Variants in BCAS4 observed in about 807,000 individuals in gnomAD.
BCAS4 encodes breast carcinoma amplified sequence 4, also known as breast carcinoma-amplified sequence 4.
Under a neutral mutation model 15.7 loss-of-function variants are expected in BCAS4, and 9 were observed. The ratio of observed to expected loss-of-function variants is 0.57; its 90% CI spans 0.34 to 1.00. The LOEUF is 1.00. Among genes scored for constraint, BCAS4 ranks in the 50% least tolerant of loss-of-function variants. BCAS4 has a pLI of 0.02. For missense variants in BCAS4, 225 were observed against 239.1 expected (o/e 0.94, Z 0.39); for synonymous variants, 101 against 99.5 (o/e 1.02, Z -0.09).
intron 4 of BCAS4, among the ~76,000 whole-genome samples, chr20:50,845,084 G>A (rs35781063): frequency 0.023 from 3,484 of 152,230 alleles, 52 homozygotes; most frequent in Non-Finnish European, 0.036. Context: ...CGACTCTGTA[G>A]TCGCCTCACA....
downstream of BCAS4, chr20:50,880,312 C>T (rs1053309686): frequency 2.6e-5 from 4 of 152,288 alleles, no homozygotes; most frequent in African/African-American, 9.6e-5. Context: ...CCCCTAACCT[C>T]AGTCCTCTGA....
intron 2 of BCAS4, among the ~76,000 whole-genome samples, chr20:50,820,179 C>G (rs1171441997): frequency 6.6e-6 from 1 of 152,168 alleles, no homozygotes; most frequent in Non-Finnish European, 1.5e-5. Flanking sequence ...TGGGCCCCGT[C>G]ATAAACTTGA....
chr20:50,808,064 T>C (rs986503315), intron 1 of BCAS4, among the ~76,000 whole-genome samples: 4 of 151,960 alleles, frequency 2.6e-5, no homozygotes, highest in South Asian at 2.1e-4. Flanking sequence ...CCCGCCACCA[T>C]GCCCGGCTAA....
chr20:50,848,955 G>T (rs1302866348), intron 4 of BCAS4, among the ~76,000 whole-genome samples: 3 of 152,252 alleles, frequency 2.0e-5, no homozygotes, highest in African/African-American at 7.2e-5. Flanking sequence ...CTTGCGGAGG[G>T]CCCCTCACAT....
chr20:50,874,318 C>T (rs1380557091), intron 4 of BCAS4, among the ~76,000 whole-genome samples: 1 of 152,204 alleles, frequency 6.6e-6, no homozygotes, highest in Non-Finnish European at 1.5e-5. Flanking sequence ...TTCCCTCGGC[C>T]TGGAACACCG....
In BCAS4 at chr20:50,876,727, C is replaced by A. The variant is rs1027041748; in HGVS notation, c.*119C>A. On this transcript the variant is annotated 3_prime_UTR_variant, in exon 5 of 5. Coordinates refer to ENST00000371608, the MANE Select transcript of BCAS4 (RefSeq NM_198799.4). The stretch of plus-strand genomic sequence containing the variant: ...ATTTTAAAAATATTTAAAAAAATGT[C>A]GAGATGGGGTCTCACTATGTTGTCC... The A allele has an allele frequency of 8.0e-7, 1 of 1,245,014 alleles. No homozygotes were observed. Among genetic ancestry groups the A allele is most frequent in the Non-Finnish European group, 1.1e-6 (1 of 951,364 alleles). 77.1% of individuals were successfully genotyped at this position (1,245,014 alleles called of 1,614,324 possible).
At chr20:50,874,094 G>C (rs1218781866) in intron 4 of BCAS4, among the ~76,000 whole-genome samples, 1 of 152,088 alleles carries the variant, frequency 6.6e-6, no homozygotes, top group Non-Finnish European at 1.5e-5. Context: ...GTCGCCCCTA[G>C]AGTGTATTCT....
intron 4 of BCAS4, among the ~76,000 whole-genome samples, chr20:50,866,405 G>A (rs1010445691): frequency 6.6e-6 from 1 of 152,238 alleles, no homozygotes; most frequent in Non-Finnish European, 1.5e-5. Flanking sequence ...CGGGGACAGT[G>A]ACAAACCAGA....
At chr20:50,841,663 G>A (rs930202694) in intron 3 of BCAS4, 103 bp from the exon 4 acceptor site, 28 of 1,504,892 alleles carry the variant, frequency 1.9e-5, no homozygotes, top group Middle Eastern at 1.8e-4. Context: ...GAGGCTGGTC[G>A]CAGTGATGAA....
At chr20:50,852,352 C>T (rs978086045) in intron 4 of BCAS4, among the ~76,000 whole-genome samples, 2 of 151,588 alleles carry the variant, frequency 1.3e-5, no homozygotes, top group Non-Finnish European at 2.9e-5. Flanking sequence ...CCAGGCCTTG[C>T]GCTTTTTGTG....
intron 4 of BCAS4, chr20:50,875,916 G>A (rs1201811023): frequency 3.1e-5 from 14 of 455,732 alleles, no homozygotes; most frequent in Admixed American, 4.7e-5. Flanking sequence ...TGCTTTCTTA[G>A]TCCTCCTCTG....
At chr20:50,801,791 G>T (rs2087929512) in intron 1 of BCAS4, among the ~76,000 whole-genome samples, 1 of 152,168 alleles carries the variant, frequency 6.6e-6, no homozygotes, top group African/African-American at 2.4e-5. Flanking sequence ...GCTGATAAAT[G>T]CCACACAGGA....
At chr20:50,821,910 G>A (rs2088220881) in intron 2 of BCAS4, among the ~76,000 whole-genome samples, 1 of 152,140 alleles carries the variant, frequency 6.6e-6, no homozygotes, top group Non-Finnish European at 1.5e-5. Flanking sequence ...CTACTGTGGG[G>A]CCATGGACAT....
At chr20:50,810,549 A>C (rs1006344446) in intron 1 of BCAS4, among the ~76,000 whole-genome samples, 1 of 151,912 alleles carries the variant, frequency 6.6e-6, no homozygotes, top group Non-Finnish European at 1.5e-5. Context: ...GGAAGATGAC[A>C]GGAAACAAGT....
At chr20:50,845,487 G>A (rs1309660655) in intron 4 of BCAS4, among the ~76,000 whole-genome samples, 1 of 152,136 alleles carries the variant, frequency 6.6e-6, no homozygotes, top group Non-Finnish European at 1.5e-5. Flanking sequence ...CAAGGGCTTG[G>A]ATCTCCACCA....
chr20:50,876,512 G>A lies in BCAS4; in HGVS notation c.426G>A (p.Thr142=), dbSNP rs564853296. 2.5e-6 allele frequency: 4 copies of A among 1,613,830 alleles called. No homozygotes were observed. The highest frequency in any genetic ancestry group is 4.5e-5 in the East Asian group (2 of 44,876). ...AGTCACCTGCACCGGTGCCCGTGACGTACGAGCTGCCCACACTGTATAGGA... is the reference window on the plus strand; with the variant it reads ...AGTCACCTGCACCGGTGCCCGTGACATACGAGCTGCCCACACTGTATAGGA... ...RNKSPAPVPV[T]YELPTLYRTE... is the part of the protein sequence containing the mutation. The change falls in exon 5 of 5, where the codon ACG becomes ACA. Residue 142 remains threonine, a synonymous_variant. Transcript: ENST00000371608.
At chr20:50,864,438 G>GTTTTTTTTTT (rs1568684273) in intron 4 of BCAS4, among the ~76,000 whole-genome samples, 1 of 138,512 alleles carries the variant, frequency 7.2e-6, no homozygotes. Flanking sequence ...GATCATGATT[G>GTTTTTTTTTT]ATTTTTTTTT....
intron 1 of BCAS4, among the ~76,000 whole-genome samples, chr20:50,813,259 C>T (rs1252984587): frequency 6.6e-6 from 1 of 152,244 alleles, no homozygotes; most frequent in Admixed American, 6.5e-5. Context: ...AATTCCTCCA[C>T]ATCCTCGCCA....
At chr20:50,812,433 C>CTT (rs754781964) in intron 1 of BCAS4, among the ~76,000 whole-genome samples, 6 of 122,550 alleles carry the variant, frequency 4.9e-5, no homozygotes, top group African/African-American at 9.1e-5. Flanking sequence ...TGCGTCTGGC[C>CTT]TTTTTTTTTT....
Sources: allele counts gnomAD v4.1 joint callset (sites outside exome capture counted in the v4.1 genomes callset), GRCh38; gene constraint gnomAD v4.1.1; transcripts MANE v1.5; gene names NCBI Gene and HGNC (gene_info 2026-07-23, HGNC 2026-07-21).